The following FSIP1 variants were observed in gnomAD, a reference collection of about 807,000 sequenced individuals.
The protein encoded by FSIP1 is fibrous sheath-interacting protein 1.
A neutral mutation model predicts 60.9 loss-of-function variants in FSIP1; 65 were observed. The observed-to-expected ratio is 1.07, with a 90% CI of 0.87 to 1.31. FSIP1 has a LOEUF of 1.31. FSIP1 is among the 40% of genes most tolerant of loss of function. The probability of loss-of-function intolerance (pLI) is 0.00; values close to 1 mark genes in which losing one functional copy is unlikely to be tolerated. For missense variants in FSIP1, 675 were observed against 665.5 expected (o/e 1.01, Z -0.16); for synonymous variants, 209 against 221.2 (o/e 0.94, Z 0.49).
At chr15:39,620,779 T>C (rs1330296919) in intron 10 of FSIP1, among the ~76,000 whole-genome samples, 4 of 149,770 alleles carry the variant, frequency 2.7e-5, no homozygotes, top group East Asian at 1.9e-4. Context: ...TATATATTTA[T>C]ATTTTTAGTG....
chr15:39,782,380 T>C (rs927414124), intron 1 of FSIP1, among the ~76,000 whole-genome samples: 9 of 152,332 alleles, frequency 5.9e-5, no homozygotes, highest in African/African-American at 1.7e-4. Flanking sequence ...AAGATCCAAA[T>C]CTCGGGAAAG....
At chr15:39,634,123 G>A (rs546483169) in intron 10 of FSIP1, among the ~76,000 whole-genome samples, 54 of 152,158 alleles carry the variant, frequency 3.5e-4, no homozygotes, top group Middle Eastern at 6.8e-3. Context: ...CAAGGTCATC[G>A]CTTTGGCAAT....
At chr15:39,739,559 C>T in intron 7 of FSIP1, 106 bp downstream of exon 7, 3 of 1,030,712 alleles carry the variant, frequency 2.9e-6, no homozygotes, top group African/African-American at 3.3e-5. Flanking sequence ...ATCATTTATA[C>T]ATTTATGATG....
chr15:39,671,841 A>G (rs1893733024), intron 10 of FSIP1, among the ~76,000 whole-genome samples: 1 of 152,318 alleles, frequency 6.6e-6, no homozygotes, highest in African/African-American at 2.4e-5. Context: ...TACCATTCTC[A>G]TCATTAAATC....
At chr15:39,764,973 C>A (rs895981770) in intron 4 of FSIP1, among the ~76,000 whole-genome samples, 13 of 152,280 alleles carry the variant, frequency 8.5e-5, no homozygotes, top group African/African-American at 3.1e-4. Context: ...GATGGAGGGG[C>A]CCAGCACTTT....
At chr15:39,725,935 C>T (rs1289453277) in intron 9 of FSIP1, among the ~76,000 whole-genome samples, 4 of 152,066 alleles carry the variant, frequency 2.6e-5, no homozygotes, top group African/African-American at 9.7e-5. Context: ...CAAGCATGCA[C>T]CACCACACCC....
intron 10 of FSIP1, among the ~76,000 whole-genome samples, chr15:39,645,602 G>T (rs1400327058): frequency 1.3e-5 from 2 of 152,216 alleles, no homozygotes; most frequent in Non-Finnish European, 2.9e-5. Context: ...TTGGGAAGCA[G>T]GCAGGAGCCG....
downstream of FSIP1, chr15:39,598,603 T>C: frequency 6.6e-6 from 1 of 152,186 alleles, no homozygotes; most frequent in East Asian, 1.9e-4. Flanking sequence ...AGAGGAGCTT[T>C]TCTTCCAGGC....
intron 5 of FSIP1, among the ~76,000 whole-genome samples, chr15:39,742,225 T>C (rs902358440): frequency 5.9e-5 from 9 of 152,232 alleles, no homozygotes; most frequent in Admixed American, 5.2e-4. Flanking sequence ...AATCTTGATG[T>C]TCATAATACA....
intron 10 of FSIP1, among the ~76,000 whole-genome samples, chr15:39,634,623 T>C (rs1361557884): frequency 6.6e-6 from 1 of 152,256 alleles, no homozygotes; most frequent in African/African-American, 2.4e-5. Context: ...ACTGCAACTT[T>C]CTCAAACCAT....
intron 3 of FSIP1, among the ~76,000 whole-genome samples, chr15:39,768,071 C>A (rs776294574): frequency 5.8e-4 from 88 of 152,200 alleles, no homozygotes; most frequent in Non-Finnish European, 9.1e-4. Context: ...TTAGACACTG[C>A]CATGGGATCA....
At chr15:39,700,552 G>A (rs1473854846) in intron 10 of FSIP1, among the ~76,000 whole-genome samples, 1 of 152,108 alleles carries the variant, frequency 6.6e-6, no homozygotes, top group Non-Finnish European at 1.5e-5. Flanking sequence ...TTAAAGTCTG[G>A]TCACAAATTA....
chr15:39,752,944 C>T (rs1323975506), intron 5 of FSIP1, among the ~76,000 whole-genome samples: 1 of 151,966 alleles, frequency 6.6e-6, no homozygotes, highest in Non-Finnish European at 1.5e-5. Flanking sequence ...TTAGAAAAAA[C>T]TTCCAGGTTA....
intron 5 of FSIP1, among the ~76,000 whole-genome samples, chr15:39,746,146 C>G (rs945903676): frequency 6.6e-6 from 1 of 151,942 alleles, no homozygotes; most frequent in Non-Finnish European, 1.5e-5. Flanking sequence ...TTTCATTCAA[C>G]GACCTAATGT....
chr15:39,782,827 A>C lies in FSIP1; in HGVS notation c.-207T>G, dbSNP rs1898327518. ...CCTGTGGGACCGCTGTTTCCCTGGCAACCAGATGCGCGATGCTTCCGGTCT... is the reference window on the plus strand; with the variant it reads ...CCTGTGGGACCGCTGTTTCCCTGGCCACCAGATGCGCGATGCTTCCGGTCT... On this transcript the variant is annotated 5_prime_UTR_variant, in exon 1 of 12. Coordinates refer to ENST00000350221, the MANE Select transcript of FSIP1 (RefSeq NM_152597.5). 1 of 152,496 alleles carries C rather than the reference A, an allele frequency of 6.6e-6. No homozygotes were observed. The highest frequency in any genetic ancestry group is 6.5e-5 in the Admixed American group (1 of 15,286). 9.4% of individuals were successfully genotyped at this position (152,496 alleles called of 1,614,324 possible).
Position 39,713,519 on chromosome 15 carries a change from G to T in FSIP1, c.1113C>A (p.Asn371Lys). The stretch of plus-strand genomic sequence containing the variant: ...TATGCAGATCGCGTTGCTCTTTGGT[G>T]TTCCTAAGTATCTTTTCTCCTGGAG... ...EVTPGEKILR[N>K]TKEQRDLHNR... The change falls in exon 10 of 12, where the codon AAC (asparagine) becomes AAA (lysine). Residue 371 changes from asparagine to lysine, a missense_variant. By Grantham distance (94) the Asn-to-Lys change is moderately conservative (BLOSUM62 0). Transcript: ENST00000350221. 1 of 1,608,778 alleles carries T rather than the reference G, an allele frequency of 6.2e-7. No individual in the cohort carries two copies.
chr15:39,619,285 T>C (rs1408238575), intron 10 of FSIP1, among the ~76,000 whole-genome samples: 1 of 152,186 alleles, frequency 6.6e-6, no homozygotes, highest in Non-Finnish European at 1.5e-5. Flanking sequence ...TGTAAAACAA[T>C]TTTGTGCCAT....
chr15:39,752,662 T>C (rs1897198051), intron 5 of FSIP1, among the ~76,000 whole-genome samples: 1 of 151,748 alleles, frequency 6.6e-6, no homozygotes, highest in African/African-American at 2.4e-5. Flanking sequence ...ATAAAAAAAG[T>C]CTGAGAAAGT....
chr15:39,683,778 C>T (rs766491936), intron 10 of FSIP1, among the ~76,000 whole-genome samples: 4 of 152,148 alleles, frequency 2.6e-5, no homozygotes, highest in African/African-American at 4.8e-5. Flanking sequence ...TATATATACA[C>T]TTCTTGTATA....
Sources: allele counts gnomAD v4.1 joint callset (sites outside exome capture counted in the v4.1 genomes callset), GRCh38; gene constraint gnomAD v4.1.1; transcripts MANE v1.5; gene names NCBI Gene and HGNC (gene_info 2026-07-23, HGNC 2026-07-21).